The following PCDHA10 variants were observed in gnomAD, a reference collection of about 807,000 sequenced individuals.
The protein encoded by PCDHA10 is protocadherin alpha 10.
Under a neutral mutation model 61.2 loss-of-function variants are expected in PCDHA10, and 45 were observed. The ratio of observed to expected loss-of-function variants is 0.74; its 90% CI spans 0.58 to 0.94. PCDHA10 has a LOEUF of 0.94. PCDHA10 is among the 40% of genes least tolerant of loss of function. The pLI is 0.00. For synonymous variants in PCDHA10, 602 were observed against 548.8 expected, an observed-to-expected ratio of 1.10 and a Z score of -1.35; for missense variants, 1,278 against 1,236.2, an observed-to-expected ratio of 1.03 and a Z score of -0.51.
chr5:140,869,434 G>A, intron 1 of PCDHA10: 1 of 1,614,218 alleles, frequency 6.2e-7, no homozygotes, highest in Non-Finnish European at 8.5e-7. Flanking sequence ...GGTGATCGTG[G>A]ACAGGCCGCT....
intron 1 of PCDHA10, chr5:140,968,891 A>G (rs782512271): frequency 1.5e-5 from 24 of 1,614,060 alleles, no homozygotes; most frequent in South Asian, 1.1e-4. Context: ...CCTTTATCTA[A>G]TAATAGCATT....
At chr5:140,888,011 A>G (rs1554183291) in intron 1 of PCDHA10, among the ~76,000 whole-genome samples, 1 of 152,138 alleles carries the variant, frequency 6.6e-6, no homozygotes, top group African/African-American at 2.4e-5. Flanking sequence ...TCATCTTTTT[A>G]TCTATATGTT....
chr5:141,008,241 C>G (rs1474460463), intron 3 of PCDHA10, among the ~76,000 whole-genome samples: 2 of 152,118 alleles, frequency 1.3e-5, no homozygotes, highest in African/African-American at 2.4e-5. Flanking sequence ...TGCTCAGGGA[C>G]ACCAAATTAG....
chr5:140,961,648 G>A (rs367674015), intron 1 of PCDHA10, among the ~76,000 whole-genome samples: 1 of 152,156 alleles, frequency 6.6e-6, no homozygotes, highest in African/African-American at 2.4e-5. Flanking sequence ...AGTCTATGTG[G>A]TTAGTTTGAA....
At chr5:140,926,782 C>G in intron 1 of PCDHA10, 1 of 1,403,504 alleles carries the variant, frequency 7.1e-7, no homozygotes, top group Non-Finnish European at 9.3e-7. Context: ...GCAGTGACGG[C>G]CGGCAGGAGC....
intron 1 of PCDHA10, among the ~76,000 whole-genome samples, chr5:140,873,773 G>A (rs1554166889): frequency 6.6e-6 from 1 of 152,120 alleles, no homozygotes; most frequent in Non-Finnish European, 1.5e-5. Context: ...CAATTCTCCT[G>A]CCTCAGCTTT....
rs1210767626 is a variant in PCDHA10 at position 141,010,197 on chromosome 5, C to G, written c.*260C>G. 83 of 1,552,082 alleles carry G rather than the reference C, an allele frequency of 5.3e-5. No homozygotes were observed. Among genetic ancestry groups the G allele is most frequent in the Non-Finnish European group, 6.6e-5 (76 of 1,147,118 alleles). On this transcript the variant is annotated 3_prime_UTR_variant, in exon 4 of 4. Coordinates refer to ENST00000307360, the MANE Select transcript of PCDHA10 (RefSeq NM_018901.4). ...AAAAGCAGACCCAAGTTTCCTTTCT[C>G]CTCCGCCGCAAAGGAGAGGCTTCCC...
At chr5:140,876,956 T>A in intron 1 of PCDHA10, 1 of 1,613,342 alleles carries the variant, frequency 6.2e-7, no homozygotes, top group Non-Finnish European at 8.5e-7. Flanking sequence ...TACTCGCTGG[T>A]GGAGCGGCGG....
intron 1 of PCDHA10, among the ~76,000 whole-genome samples, chr5:140,954,414 G>A (rs1322356989): frequency 1.3e-5 from 2 of 152,010 alleles, no homozygotes; most frequent in Non-Finnish European, 2.9e-5. Flanking sequence ...GGGTAAAGGT[G>A]TTCCTTTTTC....
At chr5:140,923,423 G>T (rs533295733) in intron 1 of PCDHA10, among the ~76,000 whole-genome samples, 1 of 152,260 alleles carries the variant, frequency 6.6e-6, no homozygotes, top group East Asian at 1.9e-4. Context: ...GGCTACTTGG[G>T]AGGCTGGGGT....
In PCDHA10 at chr5:140,858,016, G is replaced by T; in HGVS notation, c.1968G>T (p.Pro656=). 1 of 1,596,850 alleles carries T rather than the reference G, an allele frequency of 6.3e-7. No individual in the cohort carries two copies. The highest frequency in any genetic ancestry group is 8.6e-7 in the Non-Finnish European group (1 of 1,167,112). ...LLVLVKDHGE[P]SLTATATVLV... is the part of the protein sequence containing the mutation. ...TGCTGGTGAAGGACCATGGCGAGCC[G>T]TCGCTGACGGCCACGGCCACTGTGC... Residue 656 remains proline, a synonymous_variant, in exon 1 of 4, where the codon CCG becomes CCT. Coordinates refer to ENST00000307360, the MANE Select transcript of PCDHA10 (RefSeq NM_018901.4).
intron 1 of PCDHA10, among the ~76,000 whole-genome samples, chr5:140,974,689 T>A (rs2153804618): frequency 1.3e-5 from 2 of 152,208 alleles, no homozygotes; most frequent in South Asian, 4.1e-4. Flanking sequence ...TTTTGTATTT[T>A]TGGGTTTCAC....
At chr5:140,915,368 T>G (rs1281630689) in intron 1 of PCDHA10, among the ~76,000 whole-genome samples, 1 of 152,216 alleles carries the variant, frequency 6.6e-6, no homozygotes, top group Non-Finnish European at 1.5e-5. Flanking sequence ...TACCAGTAAG[T>G]GTCTCGGCAT....
At chr5:140,882,332 G>A (rs782439110) in intron 1 of PCDHA10, 1 of 1,614,178 alleles carries the variant, frequency 6.2e-7, no homozygotes, top group Non-Finnish European at 8.5e-7. Flanking sequence ...TCTGATCCTC[G>A]CAGCCTGGGA....
rs1554262627 is a variant in PCDHA10 at position 141,009,982 on chromosome 5, T to C, written c.*45T>C. On this transcript the variant is annotated 3_prime_UTR_variant, in exon 4 of 4. Transcript: ENST00000307360. ...GCCACTTAGCCAGTTTTTGTAATAA[T>C]GGCAAATCTCTCCCATGTAGCAATT... 1 of 1,582,572 alleles carries C rather than the reference T, an allele frequency of 6.3e-7. No homozygotes were observed. Among genetic ancestry groups the C allele is most frequent in the East Asian group, 2.2e-5 (1 of 44,666 alleles).
At chr5:140,974,083 T>C (rs1345131685) in intron 1 of PCDHA10, among the ~76,000 whole-genome samples, 1 of 152,236 alleles carries the variant, frequency 6.6e-6, no homozygotes, top group Non-Finnish European at 1.5e-5. Flanking sequence ...AACCATGACT[T>C]CAAAAATCAA....
intron 3 of PCDHA10, among the ~76,000 whole-genome samples, chr5:141,005,701 C>CAA (rs59860837): frequency 0.061 from 476 of 7,774 alleles, 114 homozygotes; most frequent in African/African-American, 0.16. Flanking sequence ...AACTCCGTCT[C>CAA]AAAAAAAAAA....
chr5:140,954,442 G>C (rs2095039188), intron 1 of PCDHA10, among the ~76,000 whole-genome samples: 1 of 151,940 alleles, frequency 6.6e-6, no homozygotes, highest in South Asian at 2.1e-4. Flanking sequence ...GTTGTTTCTG[G>C]ACTTGTTAAT....
chr5:140,865,243 T>C (rs1554159328), intron 1 of PCDHA10: 1 of 152,228 alleles, frequency 6.6e-6, no homozygotes, highest in Non-Finnish European at 1.5e-5. Flanking sequence ...CACGTATTTA[T>C]AGCTGTAAGG....
Sources: gnomAD v4.1 joint callset for allele counts (sites outside exome capture counted in the v4.1 genomes callset) on GRCh38, gnomAD v4.1.1 for gene constraint, MANE v1.5 for transcripts, NCBI Gene and HGNC (gene_info 2026-07-23, HGNC 2026-07-21) for gene names.